KCNN2: variants seen among roughly 807,000 people sequenced by gnomAD.
KCNN2 encodes the protein small conductance calcium-activated potassium channel protein 2.
KCNN2 carries 24 observed loss-of-function variants against 55.5 expected under a neutral mutation model. That is an observed-to-expected ratio of 0.43 (90% CI 0.31 to 0.61). KCNN2 has a LOEUF of 0.61. Ranked by LOEUF, KCNN2 falls within the 20% of genes least tolerant of loss-of-function variation. KCNN2 has a pLI of 0.08. For synonymous variants in KCNN2, 431 were observed against 336.1 expected (o/e 1.28, Z -3.09); for missense variants, 754 against 853.6 (o/e 0.88, Z 1.45).
intron 1 of KCNN2, among the ~76,000 whole-genome samples, chr5:114,082,589 T>C (rs1394482684): frequency 1.3e-5 from 2 of 152,156 alleles, no homozygotes; most frequent in African/African-American, 4.8e-5. Context: ...TACTTCTGGA[T>C]ATACGTCCAA....
At chr5:114,242,982 T>A (rs891836179) in intron 2 of KCNN2, among the ~76,000 whole-genome samples, 1 of 143,008 alleles carries the variant, frequency 7.0e-6, no homozygotes, top group Non-Finnish European at 1.5e-5. Context: ...CAAATACTGA[T>A]TAGACAGGGA....
chr5:114,315,808 C>T (rs1580716470), intron 2 of KCNN2, among the ~76,000 whole-genome samples: 1 of 152,058 alleles, frequency 6.6e-6, no homozygotes, highest in East Asian at 1.9e-4. Flanking sequence ...ATAAAAAGCA[C>T]TTTGGAGTTC....
chr5:114,285,326 T>C (rs1313949667), intron 2 of KCNN2, among the ~76,000 whole-genome samples: 3 of 113,960 alleles, frequency 2.6e-5, no homozygotes, highest in Admixed American at 2.6e-4. Context: ...TTGGCAAAAA[T>C]ATATCGGTAA....
Position 114,323,649 on chromosome 5 carries a change from ATTT to A in KCNN2, c.-184-37280_-184-37278del, listed in dbSNP as rs6149185. Among the ~76,000 whole-genome samples, 21 of 85,298 alleles carry A rather than the reference ATTT, an allele frequency of 2.5e-4. No individual in the cohort carries two copies. In the East Asian group the frequency reaches 3.0e-3, roughly 12 times the overall value. 56.0% of individuals were successfully genotyped at this position (85,298 alleles called of 152,430 possible). A position where few individuals can be genotyped will look rare whatever the true frequency, so the allele number is the denominator to read the frequency against. On this transcript the variant is annotated intron_variant, in intron 2 of 10. Transcript: ENST00000512097. The stretch of plus-strand genomic sequence containing the variant: ...TAAGTATCATGATATAAACATATCA[ATTT>A]TTTTTTTTTTTTTTTGCTGGTCGGG...
chr5:114,362,813 C>A lies in KCNN2; in HGVS notation c.674C>A (p.Pro225Gln). ...SCRYNGGVMRPLSNLSASRRN... is the reference protein window; with the variant it reads ...SCRYNGGVMRQLSNLSASRRN... Reference sequence around the variant, plus strand: ...AGGTACAACGGGGGCGTCATGCGGCCGCTCAGCAACTTGAGCGCGTCCCGC... The same window carrying A: ...AGGTACAACGGGGGCGTCATGCGGCAGCTCAGCAACTTGAGCGCGTCCCGC... The change falls in exon 1 of 8, where the codon CCG (proline) becomes CAG (glutamine). Residue 225 changes from proline (P) to glutamine (Q), a missense_variant. Pro to Gln is a moderately conservative substitution (Grantham distance 76). Around this residue, in one of 4 missense-constraint regions of KCNN2, gnomAD observed 381 missense variants for 259.1 expected, o/e 1.47. Coordinates refer to ENST00000673685, the MANE Select transcript of KCNN2 (RefSeq NM_021614.4). 6.3e-7 allele frequency: 1 copy of A among 1,598,256 alleles called. No individual in the cohort carries two copies. The highest frequency in any genetic ancestry group is 8.5e-7 in the Non-Finnish European group (1 of 1,177,644).
chr5:114,308,589 A>G (rs1210836230), intron 2 of KCNN2, among the ~76,000 whole-genome samples: 3 of 152,182 alleles, frequency 2.0e-5, no homozygotes, highest in Non-Finnish European at 4.4e-5. Context: ...ACAGGAAGCA[A>G]TAGCACACAG....
chr5:114,321,995 G>T (rs1258253891), intron 2 of KCNN2, among the ~76,000 whole-genome samples: 1 of 152,174 alleles, frequency 6.6e-6, no homozygotes, highest in African/African-American at 2.4e-5. Flanking sequence ...TTTAGCTTCT[G>T]TCTTCAGAAT....
chr5:114,390,319 T>G (rs547910288), intron 2 of KCNN2, among the ~76,000 whole-genome samples: 1 of 152,256 alleles, frequency 6.6e-6, no homozygotes, highest in East Asian at 1.9e-4. Context: ...ATACCAAAAT[T>G]TATAAACCAT....
At chr5:114,158,553 G>C (rs1167302065) in intron 1 of KCNN2, among the ~76,000 whole-genome samples, 3 of 152,032 alleles carry the variant, frequency 2.0e-5, no homozygotes, top group African/African-American at 7.2e-5. Context: ...GTCATTGGTA[G>C]CTTGATGGGG....
At chr5:114,167,240 C>T (rs1490714373) in intron 1 of KCNN2, among the ~76,000 whole-genome samples, 1 of 152,050 alleles carries the variant, frequency 6.6e-6, no homozygotes. Flanking sequence ...TAAGCCATCC[C>T]TGGTGTGCCA....
At chr5:114,115,232 C>T (rs1390442226) in intron 1 of KCNN2, among the ~76,000 whole-genome samples, 1 of 152,080 alleles carries the variant, frequency 6.6e-6, no homozygotes. Flanking sequence ...ATTTGATGTT[C>T]CCGAAAATGT....
In KCNN2 at chr5:114,362,811, G is replaced by C; in HGVS notation, c.672G>C (p.Arg224=). Residue 224 remains arginine (R), a synonymous_variant, in exon 1 of 8, where the codon CGG becomes CGC. Coordinates refer to ENST00000673685, the MANE Select transcript of KCNN2 (RefSeq NM_021614.4). ...GCAGGTACAACGGGGGCGTCATGCG[G>C]CCGCTCAGCAACTTGAGCGCGTCCC... ...SSCRYNGGVM[R]PLSNLSASRR... is the part of the protein sequence containing the mutation. 4 of 1,597,852 alleles carry C rather than the reference G, an allele frequency of 2.5e-6. No homozygotes were observed. The highest frequency in any genetic ancestry group is 3.4e-6 in the Non-Finnish European group (4 of 1,177,516).
intron 4 of KCNN2, among the ~76,000 whole-genome samples, chr5:114,466,255 T>A (rs1164329603): frequency 2.0e-5 from 3 of 152,128 alleles, no homozygotes; most frequent in Admixed American, 6.5e-5. Context: ...GAGGAAGTAC[T>A]GAAGACCTGA....
chr5:114,294,196 G>T (rs565966925), intron 2 of KCNN2, among the ~76,000 whole-genome samples: 138 of 152,066 alleles, frequency 9.1e-4, no homozygotes, highest in South Asian at 3.7e-3. Context: ...ATTTCCTTCA[G>T]TTCTGCTCCG....
At chr5:114,061,685 C>T (rs1026862957) in intron 1 of KCNN2, among the ~76,000 whole-genome samples, 1 of 152,158 alleles carries the variant, frequency 6.6e-6, no homozygotes, top group Non-Finnish European at 1.5e-5. Flanking sequence ...ACATGGACAA[C>T]TCTTGCATTC....
intron 1 of KCNN2, among the ~76,000 whole-genome samples, chr5:114,142,377 A>G (rs1192488631): frequency 1.3e-5 from 2 of 152,142 alleles, no homozygotes; most frequent in Non-Finnish European, 2.9e-5. Flanking sequence ...AGCACCATTT[A>G]TTAAATAGGG....
At chr5:114,089,816 G>A (rs946128941) in intron 1 of KCNN2, among the ~76,000 whole-genome samples, 1 of 152,192 alleles carries the variant, frequency 6.6e-6, no homozygotes, top group Non-Finnish European at 1.5e-5. Flanking sequence ...CCTGATAAGA[G>A]AGAAGTAGAA....
chr5:114,164,985 T>A (rs1752878906), intron 1 of KCNN2, among the ~76,000 whole-genome samples: 1 of 152,310 alleles, frequency 6.6e-6, no homozygotes, highest in South Asian at 2.1e-4. Flanking sequence ...GTTTTACAGA[T>A]GAGACGAGTA....
intron 6 of KCNN2, chr5:114,490,747 G>A: frequency 2.5e-6 from 1 of 398,004 alleles, no homozygotes; most frequent in Non-Finnish European, 4.4e-6. Context: ...ATTTTCTACT[G>A]GCTGCATGCA....
Sources: gnomAD v4.1 joint callset for allele counts (sites outside exome capture counted in the v4.1 genomes callset) on GRCh38, gnomAD v4.1.1 for gene constraint, gnomAD v4.1.1 regional missense constraint, MANE v1.5 for transcripts, NCBI Gene and HGNC (gene_info 2026-07-23, HGNC 2026-07-21) for gene names.